TBC1D12: variants seen among roughly 807,000 people sequenced by gnomAD.
TBC1D12 encodes TBC1 domain family member 12.
In TBC1D12, 56 loss-of-function variants were observed where a neutral mutation model predicts 86.7. The ratio of observed to expected loss-of-function variants is 0.65; its 90% CI spans 0.52 to 0.81. The LOEUF is 0.81. TBC1D12 is among the 30% of genes least tolerant of loss of function. TBC1D12 has a pLI of 0.00. For synonymous variants in TBC1D12, 421 were observed against 411.7 expected, an observed-to-expected ratio of 1.02 and a Z score of -0.27; for missense variants, 1,023 against 1,038.8, an observed-to-expected ratio of 0.98 and a Z score of 0.21.
intron 6 of TBC1D12, among the ~76,000 whole-genome samples, chr10:94,506,721 T>C (rs187105405): frequency 3.9e-5 from 6 of 152,332 alleles, no homozygotes; most frequent in African/African-American, 9.6e-5. Context: ...TAAGTAGCTT[T>C]AGATAGCAAT....
At chr10:94,466,465 T>A (rs2055826716) in intron 2 of TBC1D12, among the ~76,000 whole-genome samples, 1 of 152,106 alleles carries the variant, frequency 6.6e-6, no homozygotes, top group Admixed American at 6.5e-5. Context: ...TATAGTGGCA[T>A]TTACAAGTTC....
At chr10:94,465,742 A>G (rs573161212) in intron 2 of TBC1D12, among the ~76,000 whole-genome samples, 58 of 146,636 alleles carry the variant, frequency 4.0e-4, no homozygotes, top group African/African-American at 1.5e-3. Flanking sequence ...ATACGTATAC[A>G]TACATACATA....
In TBC1D12 at chr10:94,523,192, C is replaced by CAAAAAAA. The variant is rs33935088; in HGVS notation, c.2000+758_2000+764dup. Among the ~76,000 whole-genome samples the CAAAAAAA allele has an allele frequency of 5.9e-4, 26 of 44,100 alleles. 2 individuals carry two copies. Among genetic ancestry groups the CAAAAAAA allele is most frequent in the South Asian group, 3.0e-3 (2 of 674 alleles). 28.9% of individuals were successfully genotyped at this position (44,100 alleles called of 152,430 possible). On this transcript the variant is annotated intron_variant, in intron 11 of 12. Transcript: ENST00000225235. ...TGGACAACAGAGCGAAACTCTATCT[C>CAAAAAAA]AAAAAAAAAAAAAAAAAAAAAAAAA...
At chr10:94,433,752 A>G (rs34560326) in intron 1 of TBC1D12, among the ~76,000 whole-genome samples, 30,973 of 152,150 alleles carry the variant, frequency 0.2, 3,299 homozygotes, top group South Asian at 0.34. Flanking sequence ...CAGCCAGGTC[A>G]CATTATTTGA....
chr10:94,441,845 T>A, intron 1 of TBC1D12, 51 bp from the exon 2 acceptor site: 3 of 1,577,104 alleles, frequency 1.9e-6, no homozygotes, highest in South Asian at 1.2e-5. Flanking sequence ...TACTGTTAAA[T>A]AGCTCTCTGG....
At chr10:94,486,788 A>G (rs75451872) in intron 3 of TBC1D12, among the ~76,000 whole-genome samples, 3,344 of 152,298 alleles carry the variant, frequency 0.022, 126 homozygotes, top group African/African-American at 0.074. Context: ...ATATTCAGCC[A>G]TTGGATGAAG....
intron 2 of TBC1D12, among the ~76,000 whole-genome samples, chr10:94,464,222 C>T (rs554153281): frequency 2.0e-5 from 3 of 152,236 alleles, no homozygotes; most frequent in South Asian, 4.2e-4. Context: ...TTTTAAATGG[C>T]ATGTCATTTA....
Position 94,402,921 on chromosome 10 carries a change from C to A in TBC1D12, c.308C>A (p.Ala103Asp). Residue 103 changes from alanine (A) to aspartate (D), a missense_variant, in exon 1 of 13, where the codon GCC becomes GAC. Physicochemically the swap from Ala to Asp is moderately radical, Grantham distance 126. Around this residue, in one of 2 missense-constraint regions of TBC1D12, gnomAD observed 628 missense variants for 531.1 expected, o/e 1.18. Transcript: ENST00000225235. Reference sequence around the variant, plus strand: ...GCCGGCGCCCCGCCGCCCTCGGCAGCCCCACGATCGGACGCCTGCCTGCTG... The same window carrying A: ...GCCGGCGCCCCGCCGCCCTCGGCAGACCCACGATCGGACGCCTGCCTGCTG... The part of the protein sequence containing the change: ...GQAGAPPPSA[A>D]PRSDACLLGS... 1 of 1,525,466 alleles carries A rather than the reference C, an allele frequency of 6.6e-7. No individual in the cohort carries two copies. 94.5% of individuals were successfully genotyped at this position (1,525,466 alleles called of 1,614,324 possible). A position where few individuals can be genotyped will look rare whatever the true frequency, so the allele number is the denominator to read the frequency against.
At chr10:94,516,282 G>A (rs144962466) in intron 9 of TBC1D12, among the ~76,000 whole-genome samples, 12 of 151,574 alleles carry the variant, frequency 7.9e-5, no homozygotes, top group Non-Finnish European at 8.8e-5. Context: ...AATATTAAAC[G>A]TTTTTTCTAA....
intron 11 of TBC1D12, among the ~76,000 whole-genome samples, chr10:94,528,115 G>A (rs992792254): frequency 1.3e-5 from 2 of 151,876 alleles, no homozygotes; most frequent in African/African-American, 4.8e-5. Context: ...TCTGTGAAGA[G>A]TGTCATTGGT....
At chr10:94,505,214 A>C (rs758176755) in intron 6 of TBC1D12, among the ~76,000 whole-genome samples, 5 of 152,190 alleles carry the variant, frequency 3.3e-5, no homozygotes, top group Non-Finnish European at 7.3e-5. Context: ...TAACCCCCAA[A>C]TAATTATATG....
At chr10:94,480,506 T>C (rs1333489537) in intron 3 of TBC1D12, among the ~76,000 whole-genome samples, 2 of 152,126 alleles carry the variant, frequency 1.3e-5, no homozygotes, top group African/African-American at 4.8e-5. Flanking sequence ...CATACTATTC[T>C]GATTGCGGCT....
intron 6 of TBC1D12, among the ~76,000 whole-genome samples, chr10:94,502,055 A>G (rs557556466): frequency 2.6e-5 from 4 of 151,224 alleles, no homozygotes; most frequent in Non-Finnish European, 5.9e-5. Flanking sequence ...TAATTTGGCC[A>G]GGCGCGGTGG....
chr10:94,511,030 G>A (rs1189294260), intron 8 of TBC1D12, among the ~76,000 whole-genome samples: 1 of 150,916 alleles, frequency 6.6e-6, no homozygotes, highest in African/African-American at 2.4e-5. Context: ...AAATTATATA[G>A]CTTGTATCCA....
chr10:94,496,986 A>G (rs1026971245), intron 4 of TBC1D12, 69 bp from the exon 5 acceptor site: 28 of 834,962 alleles, frequency 3.4e-5, no homozygotes, highest in Non-Finnish European at 4.8e-5. Flanking sequence ...TGTAGAGTTT[A>G]GGTAAATGGA....
intron 11 of TBC1D12, among the ~76,000 whole-genome samples, chr10:94,529,849 C>G (rs567610336): frequency 4.1e-4 from 62 of 152,196 alleles, no homozygotes; most frequent in African/African-American, 1.4e-3. Flanking sequence ...CAGGAGAGAA[C>G]TAATAAAGAG....
intron 6 of TBC1D12, among the ~76,000 whole-genome samples, chr10:94,501,239 AG>A (rs928285002): frequency 2.0e-5 from 3 of 152,062 alleles, no homozygotes; most frequent in African/African-American, 7.2e-5. Context: ...GCCTGAGCTC[AG>A]GATTTCGAGA....
intron 2 of TBC1D12, among the ~76,000 whole-genome samples, chr10:94,458,745 T>G (rs1209213910): frequency 6.6e-6 from 1 of 152,106 alleles, no homozygotes; most frequent in Non-Finnish European, 1.5e-5. Context: ...TTATAGCTCT[T>G]AAAGGTGGTG....
intron 3 of TBC1D12, among the ~76,000 whole-genome samples, chr10:94,482,323 G>A (rs1274503780): frequency 2.0e-5 from 3 of 151,222 alleles, no homozygotes; most frequent in Non-Finnish European, 4.4e-5. Flanking sequence ...AATGGTTCCC[G>A]CTTTTGTTCC....
Sources: gnomAD v4.1 joint callset for allele counts (sites outside exome capture counted in the v4.1 genomes callset) on GRCh38, gnomAD v4.1.1 for gene constraint, gnomAD v4.1.1 regional missense constraint, MANE v1.5 for transcripts, NCBI Gene and HGNC (gene_info 2026-07-23, HGNC 2026-07-21) for gene names.